Variants in OR9Q1 observed in about 807,000 individuals in gnomAD.
OR9Q1 encodes olfactory receptor 9Q1.
For synonymous variants in OR9Q1, 153 were observed against 148.6 expected, an observed-to-expected ratio of 1.03 and a Z score of -0.22; for missense variants, 374 against 378.8, an observed-to-expected ratio of 0.99 and a Z score of 0.11.
chr11:58,134,403 G>T (rs767870924), intron 2 of OR9Q1, among the ~76,000 whole-genome samples: 11 of 152,176 alleles, frequency 7.2e-5, no homozygotes, highest in Non-Finnish European at 1.6e-4. Flanking sequence ...CTCTTTGTAT[G>T]TGGACAATCC....
intron 2 of OR9Q1, among the ~76,000 whole-genome samples, chr11:58,081,793 C>CTTTTTTTTTT (rs201892501): frequency 1.1e-4 from 14 of 128,100 alleles, no homozygotes; most frequent in South Asian, 2.4e-4. Flanking sequence ...ATGATAGTTT[C>CTTTTTTTTTT]TTTTTTTTTT....
chr11:58,149,139 C>A (rs1242307160), intron 2 of OR9Q1, among the ~76,000 whole-genome samples: 1 of 152,182 alleles, frequency 6.6e-6, no homozygotes, highest in Non-Finnish European at 1.5e-5. Flanking sequence ...TATCTAAACT[C>A]TTTCTAATTC....
At chr11:58,163,847 T>G (rs1202087459) in intron 2 of OR9Q1, among the ~76,000 whole-genome samples, 1 of 152,222 alleles carries the variant, frequency 6.6e-6, no homozygotes, top group African/African-American at 2.4e-5. Flanking sequence ...CCTTGGAAGA[T>G]AAATGATTCC....
At chr11:58,150,748 T>C (rs1226204265) in intron 2 of OR9Q1, among the ~76,000 whole-genome samples, 1 of 152,208 alleles carries the variant, frequency 6.6e-6, no homozygotes, top group South Asian at 2.1e-4. Flanking sequence ...AATAAAAGAC[T>C]ATGTTACTAG....
At chr11:58,035,426 T>C (rs1171074035) in intron 1 of OR9Q1, among the ~76,000 whole-genome samples, 1 of 152,234 alleles carries the variant, frequency 6.6e-6, no homozygotes, top group Non-Finnish European at 1.5e-5. Flanking sequence ...AGTTGGTATT[T>C]TGGAAATTGA....
intron 1 of OR9Q1, among the ~76,000 whole-genome samples, chr11:58,043,847 TGTGCTAGGTGTAGGGGTCCA>T: frequency 6.6e-6 from 1 of 152,348 alleles, no homozygotes; most frequent in East Asian, 1.9e-4. Context: ...AGAGATGAGC[TGTGCTAGGTGTAGGGGTCCA>T]GTATCATTCT....
intron 2 of OR9Q1, among the ~76,000 whole-genome samples, chr11:58,159,821 T>G (rs1344385814): frequency 6.6e-6 from 1 of 152,248 alleles, no homozygotes; most frequent in African/African-American, 2.4e-5. Context: ...GCCCACTTAA[T>G]TTTTAAAAGA....
At chr11:58,079,122 G>A (rs1205745120) in intron 2 of OR9Q1, among the ~76,000 whole-genome samples, 3 of 152,224 alleles carry the variant, frequency 2.0e-5, no homozygotes, top group African/African-American at 7.2e-5. Flanking sequence ...GCTTCACAGA[G>A]GTTGAAGATG....
chr11:58,173,773 C>T (rs367930696), intron 2 of OR9Q1, among the ~76,000 whole-genome samples: 1 of 152,122 alleles, frequency 6.6e-6, no homozygotes, highest in Admixed American at 6.5e-5. Flanking sequence ...TGCCATGTGC[C>T]TGCCGTTCTT....
chr11:58,068,749 G>GT (rs1853458315), intron 2 of OR9Q1, among the ~76,000 whole-genome samples: 1 of 152,144 alleles, frequency 6.6e-6, no homozygotes. Context: ...TGGTAATTCA[G>GT]TAACAACAGC....
intron 2 of OR9Q1, among the ~76,000 whole-genome samples, chr11:58,128,776 T>A (rs935901514): frequency 6.6e-6 from 1 of 152,158 alleles, no homozygotes; most frequent in African/African-American, 2.4e-5. Context: ...TGTTAAAAAT[T>A]CCATATGTCA....
chr11:58,155,244 A>G (rs1487362541), intron 2 of OR9Q1, among the ~76,000 whole-genome samples: 1 of 152,204 alleles, frequency 6.6e-6, no homozygotes, highest in African/African-American at 2.4e-5. Context: ...TCTTCAACTT[A>G]CGGGATGAGG....
intron 2 of OR9Q1, among the ~76,000 whole-genome samples, chr11:58,165,180 A>C (rs1394209740): frequency 6.6e-6 from 1 of 152,224 alleles, no homozygotes; most frequent in Non-Finnish European, 1.5e-5. Context: ...CTGGAAGATA[A>C]TAAGTGCCCA....
chr11:58,108,443 C>T (rs1047232999), intron 2 of OR9Q1, among the ~76,000 whole-genome samples: 1 of 152,082 alleles, frequency 6.6e-6, no homozygotes, highest in Non-Finnish European at 1.5e-5. Flanking sequence ...TACTTTTTAT[C>T]TCTGTGATGC....
intron 2 of OR9Q1, among the ~76,000 whole-genome samples, chr11:58,104,253 A>G (rs907865142): frequency 2.0e-5 from 3 of 152,110 alleles, no homozygotes; most frequent in Non-Finnish European, 4.4e-5. Flanking sequence ...TGCCATATGA[A>G]CTGAAGGAGT....
chr11:58,164,417 T>C (rs187169191), intron 2 of OR9Q1, among the ~76,000 whole-genome samples: 1 of 152,156 alleles, frequency 6.6e-6, no homozygotes, highest in Non-Finnish European at 1.5e-5. Context: ...TGGTTGCCCA[T>C]GCGGTGCTCT....
intron 2 of OR9Q1, among the ~76,000 whole-genome samples, chr11:58,061,370 T>C (rs893129657): frequency 3.3e-5 from 5 of 152,168 alleles, no homozygotes; most frequent in African/African-American, 9.7e-5. Flanking sequence ...CAACTAACAG[T>C]CATTGAGGGT....
At chr11:58,152,156 G>A (rs1200881672) in intron 2 of OR9Q1, among the ~76,000 whole-genome samples, 1 of 152,156 alleles carries the variant, frequency 6.6e-6, no homozygotes, top group Non-Finnish European at 1.5e-5. Context: ...ACCCGGGGAG[G>A]TGCTGGTGGC....
At chr11:58,102,701 T>C (rs1014458626) in intron 2 of OR9Q1, among the ~76,000 whole-genome samples, 2 of 152,146 alleles carry the variant, frequency 1.3e-5, no homozygotes, top group Admixed American at 6.6e-5. Context: ...TTTAGAATTC[T>C]CTTTGACTTT....
Sources: allele counts gnomAD v4.1 joint callset (sites outside exome capture counted in the v4.1 genomes callset), GRCh38; gene constraint gnomAD v4.1.1; transcripts MANE v1.5; gene names NCBI Gene and HGNC (gene_info 2026-07-23, HGNC 2026-07-21).